The following CDC27 variants were observed in gnomAD, a reference collection of about 807,000 sequenced individuals.
CDC27 encodes cell division cycle 27, also known as cell division cycle protein 27 homolog.
In CDC27, 27 loss-of-function variants were observed where a neutral mutation model predicts 109.7. That is an observed-to-expected ratio of 0.25 (90% CI 0.18 to 0.34). The LOEUF (loss-of-function observed/expected upper bound fraction) is 0.34. Ranked by LOEUF, CDC27 falls within the 10% of genes least tolerant of loss-of-function variation. The pLI, the probability that CDC27 is intolerant of heterozygous loss-of-function variation, is 1.00. For missense variants in CDC27, 579 were observed against 960.2 expected (o/e 0.60, Z 5.25); for synonymous variants, 266 against 333.9 (o/e 0.80, Z 2.22).
intron 1 of CDC27, among the ~76,000 whole-genome samples, chr17:47,186,878 C>T (rs538477194): frequency 6.6e-6 from 1 of 152,228 alleles, no homozygotes; most frequent in Non-Finnish European, 1.5e-5. Context: ...ACTCTCATTG[C>T]TTTCCAAATA....
chr17:47,137,797 TTCTC>T (rs201236032), intron 13 of CDC27, among the ~76,000 whole-genome samples: 4 of 137,152 alleles, frequency 2.9e-5, no homozygotes, highest in East Asian at 3.9e-4. Context: ...CTGAACCTCA[TTCTC>T]TCTCTTTTTT....
At chr17:47,159,390 C>T in intron 4 of CDC27, 1 of 972,556 alleles carries the variant, frequency 1.0e-6, no homozygotes, top group Non-Finnish European at 1.5e-6. Context: ...GGCAGTGCAG[C>T]CCCTGGCTGA....
intron 4 of CDC27, among the ~76,000 whole-genome samples, chr17:47,163,360 G>C (rs2063551360): frequency 6.6e-6 from 1 of 152,114 alleles, no homozygotes; most frequent in African/African-American, 2.4e-5. Flanking sequence ...ATTGGGGTAG[G>C]GTTGTTCCAC....
intron 2 of CDC27, 27 bp from the exon 3 acceptor site, chr17:47,172,091 C>CTATT: frequency 6.7e-7 from 1 of 1,497,306 alleles, no homozygotes; most frequent in Non-Finnish European, 8.9e-7. Context: ...TTTAAAAAGG[C>CTATT]TATTGTTCAG....
At chr17:47,170,582 C>T (rs1567706778) in intron 3 of CDC27, among the ~76,000 whole-genome samples, 2 of 152,092 alleles carry the variant, frequency 1.3e-5, no homozygotes, top group East Asian at 1.9e-4. Context: ...CTTAAAATTT[C>T]ACTTTTACCT....
intron 4 of CDC27, chr17:47,159,492 G>A (rs958433395): frequency 9.2e-6 from 5 of 541,454 alleles, no homozygotes; most frequent in Admixed American, 6.9e-5. Context: ...GCGACGAGGC[G>A]CACCAGCACA....
At chr17:47,163,356 G>A (rs993902788) in intron 4 of CDC27, among the ~76,000 whole-genome samples, 6 of 152,160 alleles carry the variant, frequency 3.9e-5, no homozygotes, top group African/African-American at 1.4e-4. Flanking sequence ...CAGGATTGGG[G>A]TAGGGTTGTT....
At chr17:47,184,767 G>A (rs73319513) in intron 1 of CDC27, among the ~76,000 whole-genome samples, 3 of 152,214 alleles carry the variant, frequency 2.0e-5, no homozygotes, top group South Asian at 2.1e-4. Flanking sequence ...TGCCGGGATT[G>A]GGGGGAAGAA....
intron 4 of CDC27, among the ~76,000 whole-genome samples, chr17:47,166,710 T>C (rs1015157790): frequency 3.9e-5 from 6 of 152,226 alleles, no homozygotes. Context: ...TGTTCTTTTA[T>C]AACAAACATT....
intron 2 of CDC27, 133 bp downstream of exon 2, chr17:47,181,429 A>G (rs959356225): frequency 9.3e-5 from 47 of 505,088 alleles, no homozygotes; most frequent in African/African-American, 8.0e-4. Flanking sequence ...AAAAGTAAAG[A>G]TTTTATGAAC....
intron 9 of CDC27, among the ~76,000 whole-genome samples, chr17:47,151,193 T>C (rs1339568674): frequency 6.6e-6 from 1 of 152,208 alleles, no homozygotes; most frequent in Non-Finnish European, 1.5e-5. Context: ...AAGCTGGCAC[T>C]CAAGAGGATT....
chr17:47,136,017 C>G (rs938355780), intron 14 of CDC27, among the ~76,000 whole-genome samples: 1 of 152,114 alleles, frequency 6.6e-6, no homozygotes, highest in African/African-American at 2.4e-5. Context: ...TGGCAGGCAC[C>G]TGTAGTCCCA....
intron 1 of CDC27, 134 bp downstream of exon 1, chr17:47,189,012 T>C (rs1270918415): frequency 3.3e-6 from 5 of 1,502,312 alleles, no homozygotes; most frequent in East Asian, 2.4e-5. Flanking sequence ...TGACTAAAGA[T>C]AGGCAGGACA....
intron 4 of CDC27, chr17:47,162,093 G>A (rs2148936160): frequency 6.6e-6 from 1 of 152,124 alleles, no homozygotes. Flanking sequence ...TTCTTTCTGT[G>A]TGTGTTTTAA....
In CDC27 at chr17:47,157,322, G is replaced by C. The variant is rs751924279; in HGVS notation, c.538C>G (p.Leu180Val). 1.2e-6 allele frequency: 2 copies of C among 1,612,374 alleles called. No individual in the cohort carries two copies. The highest frequency in any genetic ancestry group is 1.3e-5 in the African/African-American group (1 of 74,854). Residue 180 changes from leucine (L) to valine (V), a missense_variant, in exon 6 of 19, where the codon CTG becomes GTG. Around this residue, in one of 9 missense-constraint regions of CDC27, gnomAD observed 57 missense variants for 59.0 expected, o/e 0.97. Coordinates refer to ENST00000066544, the MANE Select transcript of CDC27 (RefSeq NM_001256.6). ...FTSLQNFSNC[L>V]PNSCTTQVPN... The stretch of plus-strand genomic sequence containing the variant: ...ACTTGTGTTGTGCAAGAGTTGGGCA[G>C]ACAGTTGCTAAAGTTCTGTAAAGAT...
Position 47,119,393 on chromosome 17 carries a change from T to C in CDC27, c.*1542A>G, listed in dbSNP as rs2061937787. On this transcript the variant is annotated 3_prime_UTR_variant, in exon 19 of 19. Transcript: ENST00000066544. Reference sequence around the variant, plus strand: ...ATGTTCAAATGAGATTAACAGTAAATTATAGAAAATTACTGAGTCTACAGA... The same window carrying C: ...ATGTTCAAATGAGATTAACAGTAAACTATAGAAAATTACTGAGTCTACAGA... 1 of 152,178 alleles carries C rather than the reference T, an allele frequency of 6.6e-6. No individual in the cohort carries two copies. The highest frequency in any genetic ancestry group is 2.4e-5 in the African/African-American group (1 of 41,450). The allele number at this position is 152,178 out of a possible 1,614,324, so 9.4% of individuals were successfully genotyped here.
intron 1 of CDC27, among the ~76,000 whole-genome samples, chr17:47,187,295 AT>A (rs921804176): frequency 2.6e-5 from 4 of 151,914 alleles, no homozygotes; most frequent in Admixed American, 2.6e-4. Context: ...CCATGCTTTT[AT>A]TTTTTATTTA....
rs2061954371 is a variant in CDC27 at position 47,120,348 on chromosome 17, C to A, written c.*587G>T. ...ACACTGTATGGAGGGATATTTGATT[C>A]CTACATACGAGTCCCAATATGCCCA... On this transcript the variant is annotated 3_prime_UTR_variant, in exon 19 of 19. Transcript: ENST00000066544. 6.5e-6 allele frequency: 1 copy of A among 152,692 alleles called. No individual in the cohort carries two copies. Among genetic ancestry groups the A allele is most frequent in the Middle Eastern group, 3.2e-3 (1 of 316 alleles). The allele number at this position is 152,692 out of a possible 1,614,324, so 9.5% of individuals were successfully genotyped here. A position where few individuals can be genotyped will look rare whatever the true frequency, so the allele number is the denominator to read the frequency against.
intron 2 of CDC27, among the ~76,000 whole-genome samples, chr17:47,176,887 T>C (rs2064034337): frequency 6.6e-6 from 1 of 152,254 alleles, no homozygotes; most frequent in Non-Finnish European, 1.5e-5. Context: ...TATTCTTTAA[T>C]ACTGATCTTA....
Sources: allele counts gnomAD v4.1 joint callset (sites outside exome capture counted in the v4.1 genomes callset), GRCh38; gene constraint gnomAD v4.1.1; regional missense constraint gnomAD v4.1.1; transcripts MANE v1.5; gene names NCBI Gene and HGNC (gene_info 2026-07-23, HGNC 2026-07-21).